SLIT3: variants seen among roughly 807,000 people sequenced by gnomAD.
SLIT3 encodes slit guidance ligand 3.
A neutral mutation model predicts 184.0 loss-of-function variants in SLIT3; 68 were observed. That is an observed-to-expected ratio of 0.37 (90% CI 0.30 to 0.45). The LOEUF is 0.45. Among genes scored for constraint, SLIT3 ranks in the 20% least tolerant of loss-of-function variants. The pLI, the probability that SLIT3 is intolerant of heterozygous loss-of-function variation, is 1.00. For missense variants in SLIT3, 1,707 were observed against 2,026.0 expected, an observed-to-expected ratio of 0.84 and a Z score of 3.02; for synonymous variants, 831 against 828.6, an observed-to-expected ratio of 1.00 and a Z score of -0.05.
At chr5:169,297,852 A>C (rs1395713757) in intron 1 of SLIT3, among the ~76,000 whole-genome samples, 1 of 152,228 alleles carries the variant, frequency 6.6e-6, no homozygotes, top group Non-Finnish European at 1.5e-5. Flanking sequence ...CTCTCACCTC[A>C]GCCTCCCAAA....
intron 4 of SLIT3, among the ~76,000 whole-genome samples, chr5:168,884,243 G>A (rs1050167457): frequency 2.0e-5 from 3 of 151,510 alleles, no homozygotes; most frequent in African/African-American, 4.9e-5. Context: ...CCTCCAGAGC[G>A]TGCAAACTGG....
chr5:168,934,533 G>A (rs1213704052), intron 4 of SLIT3, among the ~76,000 whole-genome samples: 1 of 152,184 alleles, frequency 6.6e-6, no homozygotes, highest in Non-Finnish European at 1.5e-5. Flanking sequence ...TGGTGGAAGA[G>A]ACAGGCTGAT....
intron 6 of SLIT3, among the ~76,000 whole-genome samples, chr5:168,843,101 T>C (rs186737762): frequency 1.5e-4 from 23 of 152,252 alleles, no homozygotes; most frequent in Admixed American, 1.3e-3. Context: ...GAAATGACAA[T>C]CTGACCTCCC....
At chr5:169,129,583 T>C (rs1761217601) in intron 4 of SLIT3, among the ~76,000 whole-genome samples, 1 of 152,060 alleles carries the variant, frequency 6.6e-6, no homozygotes, top group African/African-American at 2.4e-5. Context: ...TTCTTGACAC[T>C]GCCTCATTTG....
intron 29 of SLIT3, among the ~76,000 whole-genome samples, chr5:168,691,185 C>T (rs1413475691): frequency 6.6e-6 from 1 of 152,206 alleles, no homozygotes; most frequent in Non-Finnish European, 1.5e-5. Flanking sequence ...AACCATCTTC[C>T]AATCCCCACT....
At chr5:168,846,423 C>T (rs1303625650) in intron 5 of SLIT3, among the ~76,000 whole-genome samples, 1 of 152,080 alleles carries the variant, frequency 6.6e-6, no homozygotes, top group East Asian at 1.9e-4. Flanking sequence ...AGATTTCTTG[C>T]AGTGTTGGGG....
At chr5:168,953,616 T>C (rs10066501) in intron 4 of SLIT3, among the ~76,000 whole-genome samples, 73,104 of 152,094 alleles carry the variant, frequency 0.48, 18,724 homozygotes, top group African/African-American at 0.67. Context: ...AAGCACTGTA[T>C]AGGTCTCCAG....
intron 4 of SLIT3, among the ~76,000 whole-genome samples, chr5:168,935,185 C>T (rs1762118814): frequency 6.6e-6 from 1 of 150,550 alleles, no homozygotes; most frequent in African/African-American, 2.4e-5. Flanking sequence ...AGAATAATAA[C>T]CCTATTAAAG....
At chr5:168,912,770 G>C (rs1011115657) in intron 4 of SLIT3, among the ~76,000 whole-genome samples, 4 of 152,034 alleles carry the variant, frequency 2.6e-5, no homozygotes, top group Non-Finnish European at 5.9e-5. Flanking sequence ...GGCCAGGCTG[G>C]GCTATAAACC....
chr5:169,147,788 A>G (rs554571132), intron 4 of SLIT3, among the ~76,000 whole-genome samples: 1 of 152,258 alleles, frequency 6.6e-6, no homozygotes, highest in African/African-American at 2.4e-5. Context: ...AACCTGCGCC[A>G]GCTGTCAAGT....
At chr5:169,176,853 G>C (rs546781637) in intron 4 of SLIT3, among the ~76,000 whole-genome samples, 1 of 152,274 alleles carries the variant, frequency 6.6e-6, no homozygotes, top group African/African-American at 2.4e-5. Flanking sequence ...CATGCCCCTG[G>C]TGAAGAAAAC....
chr5:169,071,072 A>G (rs1758529076), intron 4 of SLIT3, among the ~76,000 whole-genome samples: 1 of 152,186 alleles, frequency 6.6e-6, no homozygotes, highest in African/African-American at 2.4e-5. Context: ...CATCTGTAAA[A>G]TGTAAGAGAA....
intron 5 of SLIT3, among the ~76,000 whole-genome samples, chr5:168,851,142 T>C (rs1343785821): frequency 6.6e-5 from 10 of 151,852 alleles, no homozygotes; most frequent in Admixed American, 5.9e-4. Context: ...GCTCACACGG[T>C]GAAACCCGAT....
intron 4 of SLIT3, among the ~76,000 whole-genome samples, chr5:168,889,790 G>A (rs1376566023): frequency 2.0e-5 from 3 of 152,112 alleles, no homozygotes; most frequent in Non-Finnish European, 4.4e-5. Flanking sequence ...ATTTATCCCA[G>A]ATACAAAGAA....
chr5:168,890,918 T>G (rs1760431484), intron 4 of SLIT3, among the ~76,000 whole-genome samples: 1 of 152,238 alleles, frequency 6.6e-6, no homozygotes, highest in South Asian at 2.1e-4. Flanking sequence ...ATGGGTGGAA[T>G]GATGATTGCA....
chr5:168,815,052 G>A (rs959598471), intron 8 of SLIT3, among the ~76,000 whole-genome samples: 3 of 152,206 alleles, frequency 2.0e-5, no homozygotes, highest in African/African-American at 7.2e-5. Context: ...GAGGTTAACA[G>A]CATAGTCATG....
intron 4 of SLIT3, among the ~76,000 whole-genome samples, chr5:169,142,251 A>G (rs954445100): frequency 6.6e-6 from 1 of 152,148 alleles, no homozygotes; most frequent in Non-Finnish European, 1.5e-5. Context: ...TTTTAATAAA[A>G]CAGAATCCGT....
chr5:168,778,805 C>T (rs1755858713), intron 12 of SLIT3, among the ~76,000 whole-genome samples: 1 of 152,240 alleles, frequency 6.6e-6, no homozygotes, highest in South Asian at 2.1e-4. Flanking sequence ...AAACTGACAA[C>T]TGTGACATCC....
At chr5:168,779,900 C>G (rs1755905714) in intron 12 of SLIT3, among the ~76,000 whole-genome samples, 1 of 152,146 alleles carries the variant, frequency 6.6e-6, no homozygotes, top group Admixed American at 6.5e-5. Context: ...CTAAAAGGAC[C>G]CACTACACCC....
Sources: allele counts gnomAD v4.1 joint callset (sites outside exome capture counted in the v4.1 genomes callset), GRCh38; gene constraint gnomAD v4.1.1; transcripts MANE v1.5; gene names NCBI Gene and HGNC (gene_info 2026-07-23, HGNC 2026-07-21).